The following ADAMTS18 variants were observed in gnomAD, a reference collection of about 807,000 sequenced individuals.
The protein encoded by ADAMTS18 is ADAM metallopeptidase with thrombospondin type 1 motif 18.
ADAMTS18 carries 157 observed loss-of-function variants against 165.9 expected under a neutral mutation model. The ratio of observed to expected loss-of-function variants is 0.95; its 90% CI spans 0.83 to 1.08. The LOEUF is 1.08. Among genes scored for constraint, ADAMTS18 ranks in the 50% least tolerant of loss-of-function variants. The pLI is 0.00. For synonymous variants in ADAMTS18, 782 were observed against 578.2 expected (o/e 1.35, Z -5.06); for missense variants, 2,040 against 1,534.0 (o/e 1.33, Z -5.51).
chr16:77,342,187 C>T (rs1490147338), intron 10 of ADAMTS18, among the ~76,000 whole-genome samples: 1 of 152,084 alleles, frequency 6.6e-6, no homozygotes, highest in Non-Finnish European at 1.5e-5. Context: ...GGTTTCATGC[C>T]CTATGGACAT....
chr16:77,387,832 G>A, intron 3 of ADAMTS18, among the ~76,000 whole-genome samples: 1 of 152,178 alleles, frequency 6.6e-6, no homozygotes, highest in East Asian at 1.9e-4. Context: ...TTTCTATCCA[G>A]GAGTTTATTT....
At chr16:77,295,505 A>G (rs2055452568) in intron 18 of ADAMTS18, among the ~76,000 whole-genome samples, 1 of 152,216 alleles carries the variant, frequency 6.6e-6, no homozygotes, top group South Asian at 2.1e-4. Flanking sequence ...AGGAGCCTAT[A>G]ACACAGTAAA....
Position 77,283,835 on chromosome 16 carries a change from C to A in ADAMTS18, c.*121G>T. The A allele has an allele frequency of 1.3e-6, 1 of 774,932 alleles. No homozygotes were observed. Among genetic ancestry groups the A allele is most frequent in the Non-Finnish European group, 2.2e-6 (1 of 444,914 alleles). The allele number at this position is 774,932 out of a possible 1,614,324, so 48.0% of individuals were successfully genotyped here. A position where few individuals can be genotyped will look rare whatever the true frequency, so the allele number is the denominator to read the frequency against. ...GTCTGTTCCTCAGAGCAGGCTCCTT[C>A]ATCACAGCGGCAGCTCACAGATGGT... On this transcript the variant is annotated 3_prime_UTR_variant, in exon 23 of 23. Coordinates refer to ENST00000282849, the MANE Select transcript of ADAMTS18 (RefSeq NM_199355.4).
intron 13 of ADAMTS18, 111 bp downstream of exon 13, chr16:77,325,755 T>A: frequency 8.9e-7 from 1 of 1,127,584 alleles, no homozygotes; most frequent in Non-Finnish European, 1.3e-6. Flanking sequence ...GTCTGGGGAG[T>A]GAAAGGTAAA....
At chr16:77,355,876 C>G in intron 9 of ADAMTS18, 64 bp downstream of exon 9, 1 of 1,599,534 alleles carries the variant, frequency 6.3e-7, no homozygotes, top group East Asian at 2.2e-5. Flanking sequence ...GTTTGCAGGT[C>G]TATGGAGCAC....
chr16:77,288,618 A>G (rs1483690937), intron 22 of ADAMTS18, among the ~76,000 whole-genome samples: 1 of 152,128 alleles, frequency 6.6e-6, no homozygotes, highest in Non-Finnish European at 1.5e-5. Context: ...ACTGATGACT[A>G]TTACTTTTGA....
rs1310085168 is a variant in ADAMTS18, at chr16:77,431,320, A to G, written c.470T>C (p.Val157Ala). ...GFIRNDSSSSVAVSTCAGLSG... is the reference protein window; with the variant it reads ...GFIRNDSSSSAAVSTCAGLSG... ...CAAGCCAGCACACGTAGACACAGCG[A>G]CAGAGGAGGAGCTGTCATTTCTGAT... is the stretch of plus-strand genomic sequence containing the variant. The change falls in exon 3 of 23, where the codon GTC becomes GCC. Residue 157 changes from valine (V) to alanine (A), a missense_variant. Val to Ala is a moderately conservative substitution (Grantham distance 64). Transcript: ENST00000282849. The G allele has an allele frequency of 1.2e-6, 2 of 1,614,164 alleles. No homozygotes were observed. The highest frequency in any genetic ancestry group is 1.3e-5 in the African/African-American group (1 of 75,020).
chr16:77,293,629 G>A (rs2055410592), intron 19 of ADAMTS18, among the ~76,000 whole-genome samples: 1 of 151,626 alleles, frequency 6.6e-6, no homozygotes, highest in Non-Finnish European at 1.5e-5. Context: ...TAACGTATCA[G>A]TCTCCAATTT....
intron 21 of ADAMTS18, among the ~76,000 whole-genome samples, chr16:77,289,967 T>C (rs1162743930): frequency 3.3e-5 from 5 of 152,218 alleles, no homozygotes; most frequent in Non-Finnish European, 7.3e-5. Flanking sequence ...TCAACTGTCT[T>C]TCTTCCAGAC....
At chr16:77,299,524 T>A (rs866545060) in intron 17 of ADAMTS18, among the ~76,000 whole-genome samples, 14 of 152,304 alleles carry the variant, frequency 9.2e-5, no homozygotes, top group Middle Eastern at 3.4e-3. Flanking sequence ...ATGGAACCAG[T>A]AGGAAGTCTC....
rs769079653 is a variant in ADAMTS18, at chr16:77,295,087, C to T, written c.2842G>A (p.Ala948Thr). The T allele has an allele frequency of 1.9e-6, 3 of 1,614,162 alleles. No homozygotes were observed. Among genetic ancestry groups the T allele is most frequent in the Non-Finnish European group, 1.7e-6 (2 of 1,180,038 alleles). Residue 948 changes from alanine (A) to threonine (T), a missense_variant, in exon 19 of 23, where the codon GCT becomes ACT. Transcript: ENST00000282849. Reference sequence around the variant, plus strand: ...ATCTTTCGGCTCTGCTGGCCTCCAGCACAGGCCTTGCTGCATGTACTCCAT... The same window carrying T: ...ATCTTTCGGCTCTGCTGGCCTCCAGTACAGGCCTTGCTGCATGTACTCCAT... ...GEWSTCSKAC[A>T]GGQQSRKIQC... is the part of the protein sequence containing the mutation.
chr16:77,291,956 A>T (rs949823210), intron 20 of ADAMTS18, among the ~76,000 whole-genome samples: 3 of 152,162 alleles, frequency 2.0e-5, no homozygotes, highest in African/African-American at 7.2e-5. Flanking sequence ...AAATATACCC[A>T]ACCTCTCACA....
chr16:77,361,953 C>G (rs1283644625), intron 7 of ADAMTS18, 152 bp downstream of exon 7: 4 of 869,340 alleles, frequency 4.6e-6, no homozygotes, highest in Non-Finnish European at 7.2e-6. Flanking sequence ...TTAAAAAGAA[C>G]AATAGTCACC....
chr16:77,339,164 C>T (rs1369658051), intron 11 of ADAMTS18, among the ~76,000 whole-genome samples: 4 of 150,982 alleles, frequency 2.6e-5, no homozygotes, highest in Non-Finnish European at 5.9e-5. Flanking sequence ...GGCACTGGCC[C>T]TCATGAAATT....
At chr16:77,419,666 G>C (rs1160595816) in intron 3 of ADAMTS18, among the ~76,000 whole-genome samples, 1 of 152,076 alleles carries the variant, frequency 6.6e-6, no homozygotes, top group Non-Finnish European at 1.5e-5. Context: ...TGAATACTTG[G>C]AGAAAGTGTC....
chr16:77,289,447 TCTA>T, intron 21 of ADAMTS18, 36 bp from the exon 22 acceptor site: 1 of 1,610,362 alleles, frequency 6.2e-7, no homozygotes, highest in Non-Finnish European at 8.5e-7. Context: ...TCAGAAACAC[TCTA>T]CTGAGGTCAG....
Position 77,282,960 on chromosome 16 carries a change from T to TATC in ADAMTS18, c.*993_*995dup, listed in dbSNP as rs550354070. Reference sequence around the variant, plus strand: ...CTCAATCCTAGGGCAAATTTAAACGTATCAGTTGGTAGGAAAAAGCCACAA... The same window carrying TATC: ...CTCAATCCTAGGGCAAATTTAAACGTATCATCAGTTGGTAGGAAAAAGCCACAA... On this transcript the variant is annotated 3_prime_UTR_variant, in exon 23 of 23. Coordinates refer to ENST00000282849, the MANE Select transcript of ADAMTS18 (RefSeq NM_199355.4). 6 of 137,214 alleles carry TATC rather than the reference T, an allele frequency of 4.4e-5. No individual in the cohort carries two copies. In the East Asian group the frequency reaches 8.7e-4, roughly 20 times the overall value. 8.5% of individuals were successfully genotyped at this position (137,214 alleles called of 1,614,324 possible).
chr16:77,285,998 CTCCATTGGCT>C (rs1479174496), intron 22 of ADAMTS18, among the ~76,000 whole-genome samples: 1 of 152,216 alleles, frequency 6.6e-6, no homozygotes, highest in African/African-American at 2.4e-5. Flanking sequence ...GCTCAAAGTT[CTCCATTGGCT>C]TCCATCGTAC....
chr16:77,390,736 C>T (rs1567534926), intron 3 of ADAMTS18, among the ~76,000 whole-genome samples: 1 of 151,936 alleles, frequency 6.6e-6, no homozygotes, highest in Non-Finnish European at 1.5e-5. Flanking sequence ...GCCCTGATGG[C>T]TTCCTTTAGA....
Sources: gnomAD v4.1 joint callset for allele counts (sites outside exome capture counted in the v4.1 genomes callset) on GRCh38, gnomAD v4.1.1 for gene constraint, MANE v1.5 for transcripts, NCBI Gene and HGNC (gene_info 2026-07-23, HGNC 2026-07-21) for gene names.